The following EPHX1 variants were observed in gnomAD, a reference collection of about 807,000 sequenced individuals.
EPHX1 encodes the protein epoxide hydratase.
In EPHX1, 40 loss-of-function variants were observed where a neutral mutation model predicts 43.2. The ratio of observed to expected loss-of-function variants is 0.93; its 90% CI spans 0.72 to 1.21. EPHX1 has a LOEUF of 1.21. Among genes scored for constraint, EPHX1 ranks in the 50% most tolerant of loss-of-function variants. The probability of loss-of-function intolerance (pLI) is 0.00; values close to 1 mark genes in which losing one functional copy is unlikely to be tolerated. For synonymous variants in EPHX1, 221 were observed against 226.7 expected, an observed-to-expected ratio of 0.98 and a Z score of 0.22; for missense variants, 550 against 570.4, an observed-to-expected ratio of 0.96 and a Z score of 0.36.
At chr1:225,810,863 A>G (rs1461285855) in intron 1 of EPHX1, among the ~76,000 whole-genome samples, 1 of 152,180 alleles carries the variant, frequency 6.6e-6, no homozygotes, top group African/African-American at 2.4e-5. Flanking sequence ...AGGCAGGAAC[A>G]GGTCATTTTC....
intron 2 of EPHX1, among the ~76,000 whole-genome samples, chr1:225,829,572 C>A (rs1393189472): frequency 6.6e-6 from 1 of 152,010 alleles, no homozygotes; most frequent in Non-Finnish European, 1.5e-5. Flanking sequence ...AATGCATTCT[C>A]GGGGAGGAGC....
chr1:225,840,908 AAGTC>A (rs926542900), intron 6 of EPHX1: 1 of 152,234 alleles, frequency 6.6e-6, no homozygotes, highest in African/African-American at 2.4e-5. Flanking sequence ...CACTTTATAA[AAGTC>A]AGCATTTTTC....
At chr1:225,842,572 C>T (rs2102776325) in intron 7 of EPHX1, 98 bp downstream of exon 7, 1 of 889,006 alleles carries the variant, frequency 1.1e-6, no homozygotes, top group African/African-American at 1.6e-5. Context: ...GCATGGGGCA[C>T]TCAGCAAATT....
chr1:225,843,050 G>C (rs138336713), intron 7 of EPHX1, among the ~76,000 whole-genome samples: 6 of 152,316 alleles, frequency 3.9e-5, no homozygotes, highest in African/African-American at 1.4e-4. Flanking sequence ...GGATGGGAAA[G>C]ACAGTAAAAT....
chr1:225,843,935 C>G (rs894804494), intron 7 of EPHX1, among the ~76,000 whole-genome samples: 1 of 152,076 alleles, frequency 6.6e-6, no homozygotes, highest in African/African-American at 2.4e-5. Flanking sequence ...GCTAGAGATT[C>G]AGGGTTTGAG....
At chr1:225,818,766 C>T (rs890031427) in intron 1 of EPHX1, among the ~76,000 whole-genome samples, 2 of 151,896 alleles carry the variant, frequency 1.3e-5, no homozygotes, top group African/African-American at 4.8e-5. Context: ...AAGGGTTTCG[C>T]AGGGGATGGG....
Position 225,844,630 on chromosome 1 carries a change from C to T in EPHX1, c.1166+7C>T. ...TGACCCAGAAGCATGAGCGGTGAGC[C>T]TGGCTGAGCCGAGAACAGGGGCCTC... On this transcript the variant is annotated splice_region_variant and intron_variant, in intron 8 of 8. Coordinates refer to ENST00000272167, the MANE Select transcript of EPHX1 (RefSeq NM_001136018.4). 1.9e-6 allele frequency: 3 copies of T among 1,613,904 alleles called. No homozygotes were observed. Among genetic ancestry groups the T allele is most frequent in the Non-Finnish European group, 2.5e-6 (3 of 1,179,996 alleles).
chr1:225,838,610 G>C, intron 3 of EPHX1, 44 bp from the exon 4 acceptor site: 10 of 1,566,492 alleles, frequency 6.4e-6, no homozygotes, highest in Non-Finnish European at 8.8e-6. Flanking sequence ...GACCGTGCAG[G>C]GTCTTCTCTC....
At chr1:225,828,157 A>G (rs1244972427) in intron 1 of EPHX1, among the ~76,000 whole-genome samples, 2 of 152,190 alleles carry the variant, frequency 1.3e-5, no homozygotes, top group Non-Finnish European at 2.9e-5. Flanking sequence ...CATCCTGGCT[A>G]ACATGGTGAA....
intron 2 of EPHX1, 66 bp downstream of exon 2, chr1:225,828,978 G>A: frequency 6.5e-7 from 1 of 1,537,788 alleles, no homozygotes; most frequent in South Asian, 1.2e-5. Flanking sequence ...ACAGGGGTTG[G>A]GTCTTAGGCC....
chr1:225,815,306 C>T (rs1371562363), intron 1 of EPHX1, among the ~76,000 whole-genome samples: 2 of 135,690 alleles, frequency 1.5e-5, no homozygotes, highest in African/African-American at 2.6e-5. Flanking sequence ...AGTGCAGTGG[C>T]GCCATCTCAG....
At position 225,817,218 on chromosome 1, in the gene EPHX1, G is replaced by A. The variant is rs538206632; in HGVS notation, c.-6+7049G>A. ...TCCCTGGGGTTCAGGGACAATGGCT[G>A]AGGGAGAAGCTGGGAGTTCCCCCCA... On this transcript the variant is annotated intron_variant, in intron 1 of 8. Coordinates refer to ENST00000272167, the MANE Select transcript of EPHX1 (RefSeq NM_001136018.4). The surrounding 1 kb of genome is among the most constrained non-coding windows in gnomAD (Gnocchi z 5.7). Among the ~76,000 whole-genome samples the A allele has an allele frequency of 2.0e-5, 3 of 152,308 alleles. No individual in the cohort carries two copies. Among genetic ancestry groups the A allele is most frequent in the African/African-American group, 7.2e-5 (3 of 41,578 alleles).
At chr1:225,813,604 T>C (rs1575972678) in intron 1 of EPHX1, among the ~76,000 whole-genome samples, 1 of 152,326 alleles carries the variant, frequency 6.6e-6, no homozygotes, top group East Asian at 1.9e-4. Flanking sequence ...CTGAGCAGCC[T>C]CCCCTATTGT....
At chr1:225,835,415 A>G (rs1576017917) in intron 3 of EPHX1, among the ~76,000 whole-genome samples, 1 of 115,924 alleles carries the variant, frequency 8.6e-6, no homozygotes, top group Admixed American at 1.1e-4. Flanking sequence ...CTTGAGACGG[A>G]GTCTCGCTCT....
intron 1 of EPHX1, among the ~76,000 whole-genome samples, chr1:225,824,684 G>A (rs1037165617): frequency 6.6e-6 from 1 of 152,232 alleles, no homozygotes; most frequent in Admixed American, 6.5e-5. Context: ...AAAGCAGACG[G>A]GGGGGTGTGG....
chr1:225,826,998 A>G (rs1012660526), intron 1 of EPHX1, among the ~76,000 whole-genome samples: 9 of 152,176 alleles, frequency 5.9e-5, no homozygotes, highest in Non-Finnish European at 1.3e-4. Context: ...CTGCAGGAAT[A>G]AGGCGAGAGC....
At chr1:225,831,631 T>G (rs1667606606) in intron 2 of EPHX1, 148 bp from the exon 3 acceptor site, 5 of 726,270 alleles carry the variant, frequency 6.9e-6, no homozygotes, top group Non-Finnish European at 1.2e-5. Flanking sequence ...GCTTTGGGAG[T>G]AGCCAGTGAT....
chr1:225,837,418 A>G (rs1287978430), intron 3 of EPHX1, among the ~76,000 whole-genome samples: 1 of 152,196 alleles, frequency 6.6e-6, no homozygotes, highest in African/African-American at 2.4e-5. Flanking sequence ...TTTGATATGC[A>G]GAGGCCCCAA....
intron 6 of EPHX1, 32 bp from the exon 7 acceptor site, chr1:225,842,334 G>A (rs201386538): frequency 3.4e-6 from 5 of 1,486,848 alleles, no homozygotes; most frequent in Middle Eastern, 3.4e-4. Flanking sequence ...CCCCAGGCCT[G>A]AGTCTCTCCC....
Sources: gnomAD v4.1 joint callset for allele counts (sites outside exome capture counted in the v4.1 genomes callset) on GRCh38, gnomAD v4.1.1 for gene constraint, Gnocchi (gnomAD v3.1) non-coding constraint, MANE v1.5 for transcripts, NCBI Gene and HGNC (gene_info 2026-07-23, HGNC 2026-07-21) for gene names.